The following BCL2L13 variants were observed in gnomAD, a reference collection of about 807,000 sequenced individuals.
The protein encoded by BCL2L13 is bcl-2-like protein 13.
BCL2L13 carries 13 observed loss-of-function variants against 25.8 expected under a neutral mutation model. The observed-to-expected ratio is 0.50, with a 90% CI of 0.33 to 0.80. BCL2L13 has a LOEUF of 0.80. Ranked by LOEUF, BCL2L13 falls within the 30% of genes least tolerant of loss-of-function variation. BCL2L13 has a pLI of 0.02. For synonymous variants in BCL2L13, 244 were observed against 230.3 expected (o/e 1.06, Z -0.54); for missense variants, 504 against 574.9 (o/e 0.88, Z 1.26).
rs545194346 is a variant in BCL2L13, at chr22:17,688,165, C to G, written c.230-821C>G. On this transcript the variant is annotated intron_variant, in intron 3 of 6. Transcript: ENST00000317582. ...AGAGATGTGGTTTTGCCATGATGCCCAGGCTGGTCTCGAACTCCTGGACTC... is the reference window on the plus strand; with the variant it reads ...AGAGATGTGGTTTTGCCATGATGCCGAGGCTGGTCTCGAACTCCTGGACTC... Among the ~76,000 whole-genome samples, 3 of 152,212 alleles carry G rather than the reference C, an allele frequency of 2.0e-5. No individual in the cohort carries two copies. In the South Asian group the frequency reaches 6.2e-4, roughly 32 times the overall value.
chr22:17,683,752 C>T (rs2059824689), intron 3 of BCL2L13, among the ~76,000 whole-genome samples: 1 of 151,674 alleles, frequency 6.6e-6, no homozygotes, highest in African/African-American at 2.4e-5. Flanking sequence ...TTTTATTTTG[C>T]ACTTAACATT....
chr22:17,634,233 T>C (rs542972612), upstream of BCL2L13, among the ~76,000 whole-genome samples: 14 of 152,228 alleles, frequency 9.2e-5, no homozygotes, highest in African/African-American at 3.4e-4. Flanking sequence ...TTGCCCAGGC[T>C]GGAGTGCAGT....
chr22:17,706,621 A>G, intron 6 of BCL2L13: 1 of 1,216,248 alleles, frequency 8.2e-7, no homozygotes, highest in Non-Finnish European at 1.1e-6. Context: ...CCTCTCCTTA[A>G]GTCTGATCAC....
chr22:17,698,555 TTA>T lies in BCL2L13; in HGVS notation c.456+2346_456+2347del, dbSNP rs1491239349. On this transcript the variant is annotated intron_variant, in intron 5 of 6. Transcript: ENST00000317582. Reference sequence around the variant, plus strand: ...GGGCAACATAGCAAGACCCTGTCTCTTAAAAAAAAAAAAAAAAAAAAAGCCAT... The same window carrying T: ...GGGCAACATAGCAAGACCCTGTCTCTAAAAAAAAAAAAAAAAAAAAGCCAT... Among the ~76,000 whole-genome samples, 40 of 97,746 alleles carry T rather than the reference TTA, an allele frequency of 4.1e-4. 2 individuals are homozygous for T. The highest frequency in any genetic ancestry group is 1.8e-3 in the African/African-American group (36 of 20,376). 64.1% of individuals were successfully genotyped at this position (97,746 alleles called of 152,430 possible).
At chr22:17,655,445 A>C (rs1336098193) in intron 1 of BCL2L13, among the ~76,000 whole-genome samples, 1 of 143,772 alleles carries the variant, frequency 7.0e-6, no homozygotes, top group Non-Finnish European at 1.5e-5. Flanking sequence ...TTTTTCTTTG[A>C]GAGGGAGTCT....
chr22:17,662,250 G>A (rs1260387801), intron 2 of BCL2L13, among the ~76,000 whole-genome samples: 10 of 152,156 alleles, frequency 6.6e-5, no homozygotes. Flanking sequence ...AGGCCAAGGC[G>A]GGCGGATCAC....
chr22:17,662,535 C>T (rs149564280), intron 2 of BCL2L13, among the ~76,000 whole-genome samples: 98 of 151,970 alleles, frequency 6.4e-4, no homozygotes, highest in African/African-American at 2.1e-3. Context: ...TAAAATATAA[C>T]GTCAGGCTGG....
intron 6 of BCL2L13, among the ~76,000 whole-genome samples, chr22:17,722,863 T>C (rs1381131893): frequency 6.6e-6 from 1 of 152,216 alleles, no homozygotes; most frequent in Non-Finnish European, 1.5e-5. Context: ...TTTAATTTCT[T>C]TCAATAATAC....
At chr22:17,712,996 G>A (rs2060804761) in intron 6 of BCL2L13, among the ~76,000 whole-genome samples, 1 of 152,178 alleles carries the variant, frequency 6.6e-6, no homozygotes, top group Admixed American at 6.5e-5. Context: ...GTATGTATGG[G>A]CTTCGGGTAT....
At chr22:17,687,550 T>C (rs979954585) in intron 3 of BCL2L13, among the ~76,000 whole-genome samples, 1 of 151,962 alleles carries the variant, frequency 6.6e-6, no homozygotes, top group Non-Finnish European at 1.5e-5. Flanking sequence ...AGAGTCTCGC[T>C]CTGTCACCCA....
intron 2 of BCL2L13, among the ~76,000 whole-genome samples, chr22:17,679,009 C>G (rs2059655014): frequency 6.6e-6 from 1 of 152,140 alleles, no homozygotes; most frequent in South Asian, 2.1e-4. Context: ...TATCTCAAGT[C>G]TTTAGGGAAA....
chr22:17,718,901 G>A (rs1361154561), intron 6 of BCL2L13, among the ~76,000 whole-genome samples: 1 of 152,060 alleles, frequency 6.6e-6, no homozygotes, highest in East Asian at 1.9e-4. Flanking sequence ...GCTCATGCCT[G>A]TAATCCCAGC....
At chr22:17,717,380 C>CAAAAAAAA (rs371314290) in intron 6 of BCL2L13, among the ~76,000 whole-genome samples, 2 of 126,256 alleles carry the variant, frequency 1.6e-5, no homozygotes, top group African/African-American at 7.1e-5. Flanking sequence ...GACTCTGTCT[C>CAAAAAAAA]AAAAAAGATC....
At chr22:17,685,828 G>A (rs570139752) in intron 3 of BCL2L13, among the ~76,000 whole-genome samples, 157 of 124,502 alleles carry the variant, frequency 1.3e-3, no homozygotes, top group African/African-American at 4.6e-3. Flanking sequence ...CTGGAGTGCA[G>A]TGGCGGGATC....
intron 6 of BCL2L13, among the ~76,000 whole-genome samples, chr22:17,716,458 T>C (rs1342476528): frequency 1.3e-5 from 2 of 152,212 alleles, no homozygotes; most frequent in East Asian, 3.9e-4. Context: ...TAGGGCACAA[T>C]GAGTAACCTG....
intron 2 of BCL2L13, among the ~76,000 whole-genome samples, chr22:17,678,892 T>C (rs2059651584): frequency 6.6e-6 from 1 of 152,208 alleles, no homozygotes; most frequent in Non-Finnish European, 1.5e-5. Flanking sequence ...TGCTTTTTGT[T>C]AGCTTGTTTG....
intron 6 of BCL2L13, among the ~76,000 whole-genome samples, chr22:17,722,397 G>A (rs2061169613): frequency 6.6e-6 from 1 of 151,632 alleles, no homozygotes; most frequent in South Asian, 2.1e-4. Flanking sequence ...GTGTGTGTGT[G>A]TGTGTGTGTG....
intron 2 of BCL2L13, among the ~76,000 whole-genome samples, chr22:17,678,086 A>G (rs568409318): frequency 2.6e-5 from 4 of 152,188 alleles, no homozygotes; most frequent in African/African-American, 9.6e-5. Context: ...GCAGTGGTGC[A>G]GTCATGGCTC....
chr22:17,638,643 G>T, upstream of BCL2L13: 1 of 1,225,258 alleles, frequency 8.2e-7, no homozygotes, highest in South Asian at 4.2e-5. Flanking sequence ...TGGACGGAGA[G>T]ACCTCCGGGG....
Sources: allele counts gnomAD v4.1 joint callset (sites outside exome capture counted in the v4.1 genomes callset), GRCh38; gene constraint gnomAD v4.1.1; transcripts MANE v1.5; gene names NCBI Gene and HGNC (gene_info 2026-07-23, HGNC 2026-07-21).